Variants in FER observed in about 807,000 individuals in gnomAD.
FER encodes the protein tyrosine-protein kinase Fer.
Under a neutral mutation model 111.0 loss-of-function variants are expected in FER, and 63 were observed. The ratio of observed to expected loss-of-function variants is 0.57; its 90% CI spans 0.46 to 0.70. The LOEUF (loss-of-function observed/expected upper bound fraction) is 0.70, where lower values mean the gene tolerates loss of function less well. Among genes scored for constraint, FER ranks in the 30% least tolerant of loss-of-function variants. The probability of loss-of-function intolerance (pLI) is 0.00; values close to 1 mark genes in which losing one functional copy is unlikely to be tolerated. For synonymous variants in FER, 327 were observed against 313.9 expected, an observed-to-expected ratio of 1.04 and a Z score of -0.44; for missense variants, 914 against 954.0, an observed-to-expected ratio of 0.96 and a Z score of 0.55.
intron 3 of FER, among the ~76,000 whole-genome samples, chr5:108,805,996 T>C (rs942491471): frequency 1.2e-4 from 18 of 151,814 alleles, no homozygotes; most frequent in Admixed American, 9.8e-4. Context: ...ATGTCAGAGG[T>C]CTTCATGACA....
chr5:109,194,134 G>A lies in FER; in HGVS notation c.*6559G>A, dbSNP rs1013634893. The A allele has an allele frequency of 6.6e-6, 1 of 152,208 alleles. No individual in the cohort carries two copies. Among genetic ancestry groups the A allele is most frequent in the Non-Finnish European group, 1.5e-5 (1 of 68,042 alleles). 9.4% of individuals were successfully genotyped at this position (152,208 alleles called of 1,614,324 possible). On this transcript the variant is annotated 3_prime_UTR_variant, in exon 20 of 20. Coordinates refer to ENST00000281092, the MANE Select transcript of FER (RefSeq NM_005246.4). The stretch of plus-strand genomic sequence containing the variant: ...GGCCTCCTCTACCCACTAAAGAAAT[G>A]TGTAAACACTAGCAATAATTGCTTT...
chr5:109,024,088 T>A (rs1768320660), intron 13 of FER, among the ~76,000 whole-genome samples: 1 of 152,144 alleles, frequency 6.6e-6, no homozygotes, highest in African/African-American at 2.4e-5. Context: ...TGCTGAAAGT[T>A]ACACAGCTAG....
intron 15 of FER, among the ~76,000 whole-genome samples, chr5:109,045,144 A>G (rs868866896): frequency 1.9e-4 from 29 of 152,112 alleles, no homozygotes; most frequent in Admixed American, 1.2e-3. Flanking sequence ...ATTTAAGTAG[A>G]TAATTACATC....
chr5:108,942,926 G>A (rs1439112387), intron 10 of FER, among the ~76,000 whole-genome samples: 1 of 151,952 alleles, frequency 6.6e-6, no homozygotes, highest in Non-Finnish European at 1.5e-5. Flanking sequence ...GATTCTTATT[G>A]CCTCCTGATT....
intron 14 of FER, among the ~76,000 whole-genome samples, chr5:109,042,705 A>G (rs956651037): frequency 6.6e-6 from 1 of 152,168 alleles, no homozygotes; most frequent in East Asian, 1.9e-4. Flanking sequence ...GAAAATCAAG[A>G]AAGTCTTCAT....
chr5:108,756,848 T>C (rs1351508571), intron 1 of FER, among the ~76,000 whole-genome samples: 1 of 152,160 alleles, frequency 6.6e-6, no homozygotes, highest in Admixed American at 6.5e-5. Flanking sequence ...ACCTCCCAGG[T>C]AGAGACAGTT....
chr5:108,998,091 G>A (rs985354879), intron 13 of FER, among the ~76,000 whole-genome samples: 3 of 150,140 alleles, frequency 2.0e-5, no homozygotes, highest in Non-Finnish European at 2.9e-5. Flanking sequence ...GGGACCTGCC[G>A]TACCAGACCA....
At chr5:108,768,851 G>A (rs1437559965) in intron 2 of FER, among the ~76,000 whole-genome samples, 1 of 151,486 alleles carries the variant, frequency 6.6e-6, no homozygotes, top group South Asian at 2.1e-4. Context: ...TTGAGACAGG[G>A]TCTGGCTCTG....
chr5:109,156,282 A>G (rs747550105), intron 17 of FER, among the ~76,000 whole-genome samples: 7 of 152,068 alleles, frequency 4.6e-5, no homozygotes, highest in Non-Finnish European at 8.8e-5. Flanking sequence ...TTAAGTTCAT[A>G]AGGTGGACAG....
intron 17 of FER, among the ~76,000 whole-genome samples, chr5:109,173,683 G>T (rs565277785): frequency 2.0e-5 from 3 of 151,712 alleles, no homozygotes; most frequent in Non-Finnish European, 4.4e-5. Context: ...AATCCCTTAA[G>T]ACTGTGATGT....
chr5:108,831,461 A>G (rs1037927346), intron 3 of FER, among the ~76,000 whole-genome samples: 1 of 152,180 alleles, frequency 6.6e-6, no homozygotes, highest in African/African-American at 2.4e-5. Context: ...TAAGGACTAC[A>G]TTAGTTTTAA....
At chr5:109,167,892 A>G (rs1756720032) in intron 17 of FER, among the ~76,000 whole-genome samples, 1 of 152,184 alleles carries the variant, frequency 6.6e-6, no homozygotes, top group Admixed American at 6.5e-5. Context: ...GAATGAACAG[A>G]AGGAAAAATA....
intron 3 of FER, among the ~76,000 whole-genome samples, chr5:108,831,297 A>G (rs372247119): frequency 2.4e-4 from 36 of 152,234 alleles, no homozygotes; most frequent in Middle Eastern, 6.8e-3. Context: ...TACACATGCC[A>G]TAGAATATTT....
intron 17 of FER, among the ~76,000 whole-genome samples, chr5:109,119,581 G>A (rs1272347935): frequency 2.0e-5 from 3 of 152,064 alleles, no homozygotes; most frequent in Non-Finnish European, 4.4e-5. Context: ...TTTCTGTCTC[G>A]TTGATCTGTC....
intron 13 of FER, among the ~76,000 whole-genome samples, chr5:109,009,272 G>A (rs889344578): frequency 6.6e-5 from 10 of 152,004 alleles, no homozygotes; most frequent in Non-Finnish European, 1.5e-5. Flanking sequence ...CTGACCTCAA[G>A]TGAACTGCCC....
chr5:109,034,871 G>C (rs556853202), intron 13 of FER, among the ~76,000 whole-genome samples: 1 of 151,760 alleles, frequency 6.6e-6, no homozygotes, highest in Admixed American at 6.6e-5. Flanking sequence ...TTATATATAG[G>C]GTTTGGGGTG....
chr5:108,889,986 C>G (rs1747785265), intron 9 of FER, among the ~76,000 whole-genome samples: 1 of 151,932 alleles, frequency 6.6e-6, no homozygotes, highest in Non-Finnish European at 1.5e-5. Flanking sequence ...ATGGTAGCAT[C>G]TTGTAAAACC....
At chr5:109,116,529 A>C (rs948845336) in intron 17 of FER, among the ~76,000 whole-genome samples, 4 of 152,134 alleles carry the variant, frequency 2.6e-5, no homozygotes, top group African/African-American at 7.2e-5. Context: ...AATGTTAAGG[A>C]ATCAATGATT....
intron 13 of FER, among the ~76,000 whole-genome samples, chr5:108,987,445 T>C (rs1037934525): frequency 2.0e-5 from 3 of 151,862 alleles, no homozygotes; most frequent in African/African-American, 4.8e-5. Context: ...AAACTCCATC[T>C]CAAAAAAAAG....
Sources: gnomAD v4.1 joint callset for allele counts (sites outside exome capture counted in the v4.1 genomes callset) on GRCh38, gnomAD v4.1.1 for gene constraint, MANE v1.5 for transcripts, NCBI Gene and HGNC (gene_info 2026-07-23, HGNC 2026-07-21) for gene names.